NKAIN3: variants seen among roughly 807,000 people sequenced by gnomAD.
The protein encoded by NKAIN3 is sodium/potassium transporting ATPase interacting 3, also known as sodium/potassium-transporting ATPase subunit beta-1-interacting protein 3.
A neutral mutation model predicts 30.2 loss-of-function variants in NKAIN3; 25 were observed. That is an observed-to-expected ratio of 0.83 (90% CI 0.60 to 1.16). The LOEUF (loss-of-function observed/expected upper bound fraction) is 1.16. Among genes scored for constraint, NKAIN3 ranks in the 50% most tolerant of loss-of-function variants. NKAIN3 has a pLI of 0.00. For missense variants in NKAIN3, 225 were observed against 254.1 expected, an observed-to-expected ratio of 0.89 and a Z score of 0.78; for synonymous variants, 91 against 89.6, an observed-to-expected ratio of 1.02 and a Z score of -0.09.
intron 4 of NKAIN3, among the ~76,000 whole-genome samples, chr8:62,866,139 G>T (rs188326499): frequency 6.6e-6 from 1 of 152,020 alleles, no homozygotes; most frequent in Non-Finnish European, 1.5e-5. Context: ...AAATGTAAAG[G>T]CTTAGTACCA....
intron 6 of NKAIN3, among the ~76,000 whole-genome samples, chr8:62,963,850 T>A (rs1823635990): frequency 6.6e-6 from 1 of 152,030 alleles, no homozygotes; most frequent in Non-Finnish European, 1.5e-5. Flanking sequence ...GGGTGGGTAT[T>A]TTTTTAGTCG....
intron 3 of NKAIN3, among the ~76,000 whole-genome samples, chr8:62,705,100 A>G (rs1431608286): frequency 6.6e-6 from 1 of 152,020 alleles, no homozygotes; most frequent in Non-Finnish European, 1.5e-5. Context: ...TACTGGCAAT[A>G]CCTGGCACAA....
intron 1 of NKAIN3, among the ~76,000 whole-genome samples, chr8:62,300,421 A>G (rs1814006587): frequency 6.6e-6 from 1 of 152,158 alleles, no homozygotes; most frequent in African/African-American, 2.4e-5. Flanking sequence ...TAATGAGTTT[A>G]TCTACTCAAA....
At chr8:62,523,257 A>T (rs1459203827) in intron 1 of NKAIN3, among the ~76,000 whole-genome samples, 1 of 152,184 alleles carries the variant, frequency 6.6e-6, no homozygotes, top group Non-Finnish European at 1.5e-5. Context: ...CTAGATGTGC[A>T]GCAGGCTATA....
chr8:62,640,602 G>A (rs1024222765), intron 3 of NKAIN3, among the ~76,000 whole-genome samples: 3 of 152,122 alleles, frequency 2.0e-5, no homozygotes, highest in African/African-American at 7.2e-5. Flanking sequence ...TGCCTGAGGA[G>A]ATGTTTCTAG....
At chr8:62,731,133 G>A (rs1403245800) in intron 3 of NKAIN3, among the ~76,000 whole-genome samples, 3 of 151,860 alleles carry the variant, frequency 2.0e-5, no homozygotes, top group Non-Finnish European at 4.4e-5. Context: ...AAGACCTGGC[G>A]CTTTTTAGTG....
At chr8:62,634,507 T>G (rs1191923202) in intron 3 of NKAIN3, among the ~76,000 whole-genome samples, 1 of 152,198 alleles carries the variant, frequency 6.6e-6, no homozygotes, top group Non-Finnish European at 1.5e-5. Flanking sequence ...GTGATTGGCT[T>G]TCTGTGCAGC....
chr8:62,452,304 C>T (rs1454784753), intron 1 of NKAIN3, among the ~76,000 whole-genome samples: 3 of 152,012 alleles, frequency 2.0e-5, no homozygotes, highest in Non-Finnish European at 4.4e-5. Context: ...AGCGAAACCA[C>T]ATCTCTACTA....
chr8:62,416,487 A>G (rs540853869), intron 1 of NKAIN3, among the ~76,000 whole-genome samples: 1 of 152,320 alleles, frequency 6.6e-6, no homozygotes, highest in East Asian at 1.9e-4. Context: ...AGCTTAACAA[A>G]AAAGACCAAT....
intron 4 of NKAIN3, among the ~76,000 whole-genome samples, chr8:62,805,723 A>C (rs1290563471): frequency 6.6e-6 from 1 of 152,226 alleles, no homozygotes; most frequent in Non-Finnish European, 1.5e-5. Flanking sequence ...AGGCATTACC[A>C]TTCAGGACAT....
chr8:62,472,738 A>T (rs1806392228), intron 1 of NKAIN3, among the ~76,000 whole-genome samples: 1 of 152,214 alleles, frequency 6.6e-6, no homozygotes, highest in African/African-American at 2.4e-5. Flanking sequence ...GGAACATATT[A>T]GATTATGCAT....
At chr8:62,957,871 A>C (rs1823466534) in intron 6 of NKAIN3, among the ~76,000 whole-genome samples, 1 of 152,182 alleles carries the variant, frequency 6.6e-6, no homozygotes, top group Admixed American at 6.5e-5. Context: ...TCGAGTGACT[A>C]TATCAGTGTA....
chr8:62,449,492 A>G (rs373425818), intron 1 of NKAIN3, among the ~76,000 whole-genome samples: 69 of 152,164 alleles, frequency 4.5e-4, no homozygotes, highest in African/African-American at 1.6e-3. Flanking sequence ...GGAAAAATAT[A>G]GCTAAATATA....
intron 5 of NKAIN3, chr8:62,991,148 A>G (rs1050964456): frequency 1.3e-5 from 2 of 152,348 alleles, no homozygotes; most frequent in Non-Finnish European, 2.9e-5. Flanking sequence ...GGTTGAGCCT[A>G]GTAAGTTTAG....
Position 62,273,693 on chromosome 8 carries a change from T to C in NKAIN3, c.54+24566T>C, listed in dbSNP as rs933872878. ...AATATAACAGGCTTTTAGGAAATCA[T>C]CTGTTTACTTATGTATTTTTGCAGT... On this transcript the variant is annotated intron_variant, in intron 1 of 6. Coordinates refer to ENST00000623646, the MANE Select transcript of NKAIN3 (RefSeq NM_001304533.3). Among the ~76,000 whole-genome samples, 6 of 152,320 alleles carry C rather than the reference T, an allele frequency of 3.9e-5. No individual in the cohort carries two copies. In the East Asian group the frequency reaches 1.2e-3, roughly 29 times the overall value.
chr8:62,583,922 AG>A (rs1810392675), intron 2 of NKAIN3, among the ~76,000 whole-genome samples: 1 of 152,204 alleles, frequency 6.6e-6, no homozygotes, highest in South Asian at 2.1e-4. Context: ...TTTAAAAAAG[AG>A]CATGTTGTTA....
chr8:62,599,496 T>C (rs888793962), intron 3 of NKAIN3, among the ~76,000 whole-genome samples: 1 of 152,068 alleles, frequency 6.6e-6, no homozygotes, highest in Non-Finnish European at 1.5e-5. Flanking sequence ...TCTTGGCATA[T>C]TGTGAGGTTT....
chr8:62,519,148 G>T (rs1336957832), intron 1 of NKAIN3, among the ~76,000 whole-genome samples: 2 of 152,126 alleles, frequency 1.3e-5, no homozygotes, highest in Non-Finnish European at 2.9e-5. Context: ...TAATACCAGT[G>T]ATTAAATTCC....
chr8:62,862,803 A>T (rs565928884), intron 4 of NKAIN3, among the ~76,000 whole-genome samples: 1 of 152,356 alleles, frequency 6.6e-6, no homozygotes, highest in South Asian at 2.1e-4. Flanking sequence ...TCCACAGAGA[A>T]GTTAGATAAT....
Sources: allele counts gnomAD v4.1 joint callset (sites outside exome capture counted in the v4.1 genomes callset), GRCh38; gene constraint gnomAD v4.1.1; transcripts MANE v1.5; gene names NCBI Gene and HGNC (gene_info 2026-07-23, HGNC 2026-07-21).